TRPM3: variants seen among roughly 807,000 people sequenced by gnomAD.
The protein encoded by TRPM3 is transient receptor potential cation channel subfamily M member 3, also known as long transient receptor potential channel 3.
Under a neutral mutation model 181.2 loss-of-function variants are expected in TRPM3, and 77 were observed. The ratio of observed to expected loss-of-function variants is 0.42; its 90% CI spans 0.35 to 0.51. The LOEUF (loss-of-function observed/expected upper bound fraction) is 0.51. Among genes scored for constraint, TRPM3 ranks in the 20% least tolerant of loss-of-function variants. The probability of loss-of-function intolerance (pLI) is 0.01; values close to 1 mark genes in which losing one functional copy is unlikely to be tolerated. For missense variants in TRPM3, 1,759 were observed against 2,196.7 expected, an observed-to-expected ratio of 0.80 and a Z score of 3.98; for synonymous variants, 745 against 796.4, an observed-to-expected ratio of 0.94 and a Z score of 1.09.
At chr9:71,094,889 G>A (rs919070490) in intron 1 of TRPM3, among the ~76,000 whole-genome samples, 1 of 152,132 alleles carries the variant, frequency 6.6e-6, no homozygotes, top group African/African-American at 2.4e-5. Flanking sequence ...GCAATATAAT[G>A]TTGATCTTAT....
At chr9:70,911,768 C>G (rs989220845) in intron 1 of TRPM3, among the ~76,000 whole-genome samples, 3 of 152,140 alleles carry the variant, frequency 2.0e-5, no homozygotes, top group African/African-American at 7.2e-5. Flanking sequence ...TCCTGTTTGT[C>G]CCTGTTACCA....
At chr9:70,778,172 G>A (rs1464249870) in intron 7 of TRPM3, among the ~76,000 whole-genome samples, 1 of 152,138 alleles carries the variant, frequency 6.6e-6, no homozygotes, top group Non-Finnish European at 1.5e-5. Context: ...TCCAGTTTTT[G>A]ATGGAAAAGG....
At chr9:71,018,269 A>C (rs1329754) in intron 1 of TRPM3, among the ~76,000 whole-genome samples, 1,581 of 151,824 alleles carry the variant, frequency 0.01, 31 homozygotes, top group African/African-American at 0.036. Flanking sequence ...CTATCTCAAG[A>C]AGCTAGGGGA....
intron 1 of TRPM3, among the ~76,000 whole-genome samples, chr9:71,428,884 AG>A (rs1225038280): frequency 6.6e-6 from 1 of 151,906 alleles, no homozygotes; most frequent in Non-Finnish European, 1.5e-5. Context: ...TTAATTTAAA[AG>A]CAAGAACTTC....
chr9:71,437,821 T>C (rs1005521117), intron 1 of TRPM3, among the ~76,000 whole-genome samples: 2 of 136,590 alleles, frequency 1.5e-5, no homozygotes, highest in African/African-American at 5.6e-5. Flanking sequence ...TGAGCAGAGA[T>C]GGCACCACTT....
intron 12 of TRPM3, among the ~76,000 whole-genome samples, chr9:70,627,834 G>A (rs537450055): frequency 3.0e-4 from 46 of 152,210 alleles, no homozygotes; most frequent in Admixed American, 1.9e-3. Flanking sequence ...TCACAAAAAT[G>A]ACCTCTACCC....
At chr9:71,180,923 G>C (rs1240283275) in intron 1 of TRPM3, among the ~76,000 whole-genome samples, 1 of 152,062 alleles carries the variant, frequency 6.6e-6, no homozygotes, top group East Asian at 1.9e-4. Flanking sequence ...ACTATTTTAA[G>C]TGTTTGGCCT....
At chr9:70,755,436 T>C (rs533194727) in intron 8 of TRPM3, among the ~76,000 whole-genome samples, 1 of 151,838 alleles carries the variant, frequency 6.6e-6, no homozygotes, top group East Asian at 1.9e-4. Context: ...AATGGCATGA[T>C]CTTGGCTCAC....
At chr9:70,930,619 A>C (rs1293877627) in intron 1 of TRPM3, among the ~76,000 whole-genome samples, 66 of 152,336 alleles carry the variant, frequency 4.3e-4, no homozygotes, top group African/African-American at 1.5e-3. Flanking sequence ...TATTAATGAT[A>C]CATTAGCAGG....
At chr9:70,669,821 C>T (rs1457314519) in intron 9 of TRPM3, among the ~76,000 whole-genome samples, 1 of 149,780 alleles carries the variant, frequency 6.7e-6, no homozygotes, top group Admixed American at 6.7e-5. Flanking sequence ...ACTGTGGGCT[C>T]AACCTCTTGG....
intron 1 of TRPM3, among the ~76,000 whole-genome samples, chr9:71,110,053 G>A (rs988871755): frequency 6.6e-6 from 1 of 151,928 alleles, no homozygotes; most frequent in African/African-American, 2.4e-5. Context: ...TTTTTAGAGG[G>A]AGAACAAGTA....
intron 9 of TRPM3, among the ~76,000 whole-genome samples, chr9:70,659,430 G>A (rs1298549440): frequency 6.6e-6 from 1 of 152,038 alleles, no homozygotes; most frequent in Non-Finnish European, 1.5e-5. Flanking sequence ...GGCTGGGTTG[G>A]GTTTTTACAA....
chr9:71,037,021 C>A (rs1439720618), intron 1 of TRPM3, among the ~76,000 whole-genome samples: 1 of 152,124 alleles, frequency 6.6e-6, no homozygotes, highest in Non-Finnish European at 1.5e-5. Context: ...ATAGTTGCCA[C>A]ACTAAAACAG....
At chr9:70,658,925 T>C (rs1325671914) in intron 9 of TRPM3, among the ~76,000 whole-genome samples, 1 of 152,116 alleles carries the variant, frequency 6.6e-6, no homozygotes, top group Non-Finnish European at 1.5e-5. Flanking sequence ...GTTTAAAATG[T>C]TGCTGATCAT....
chr9:70,543,195 C>T (rs1447814628), intron 25 of TRPM3, among the ~76,000 whole-genome samples: 1 of 152,018 alleles, frequency 6.6e-6, no homozygotes, highest in African/African-American at 2.4e-5. Context: ...TTTTTTCTGA[C>T]TTTTATTTTA....
chr9:71,200,762 T>C (rs2078729255), intron 1 of TRPM3, among the ~76,000 whole-genome samples: 1 of 152,184 alleles, frequency 6.6e-6, no homozygotes, highest in Non-Finnish European at 1.5e-5. Flanking sequence ...TGAGTCTATG[T>C]GTGTCTCTGC....
At chr9:70,820,201 T>C (rs1409769951) in intron 6 of TRPM3, among the ~76,000 whole-genome samples, 1 of 152,144 alleles carries the variant, frequency 6.6e-6, no homozygotes, top group African/African-American at 2.4e-5. Context: ...ATATATTTCT[T>C]ATTGCTGCAG....
intron 1 of TRPM3, among the ~76,000 whole-genome samples, chr9:70,888,475 C>T (rs945104140): frequency 6.0e-5 from 9 of 151,068 alleles, no homozygotes; most frequent in Non-Finnish European, 1.0e-4. Context: ...ATTCTCCAAG[C>T]CTTTTCTCAG....
chr9:70,641,844 A>G (rs1386604196), intron 9 of TRPM3, among the ~76,000 whole-genome samples: 1 of 152,228 alleles, frequency 6.6e-6, no homozygotes, highest in African/African-American at 2.4e-5. Context: ...TAACGAAAGC[A>G]ACATTAGGCT....
Sources: allele counts gnomAD v4.1 joint callset (sites outside exome capture counted in the v4.1 genomes callset), GRCh38; gene constraint gnomAD v4.1.1; transcripts MANE v1.5; gene names NCBI Gene and HGNC (gene_info 2026-07-23, HGNC 2026-07-21).